ATF2: variants seen among roughly 807,000 people sequenced by gnomAD.
ATF2 encodes activating transcription factor 2.
A neutral mutation model predicts 60.6 loss-of-function variants in ATF2; 24 were observed. The observed-to-expected ratio is 0.40, with a 90% CI of 0.29 to 0.56. The LOEUF (loss-of-function observed/expected upper bound fraction) is 0.56, where lower values mean the gene tolerates loss of function less well. Among genes scored for constraint, ATF2 ranks in the 20% least tolerant of loss-of-function variants. The pLI, the probability that ATF2 is intolerant of heterozygous loss-of-function variation, is 0.54. For synonymous variants in ATF2, 206 were observed against 215.4 expected, an observed-to-expected ratio of 0.96 and a Z score of 0.38; for missense variants, 433 against 607.7, an observed-to-expected ratio of 0.71 and a Z score of 3.02.
intron 12 of ATF2, among the ~76,000 whole-genome samples, chr2:175,092,046 T>C (rs2105585623): frequency 6.6e-6 from 1 of 152,330 alleles, no homozygotes; most frequent in Non-Finnish European, 1.5e-5. Context: ...TTCTATCATG[T>C]CAATATTCAA....
chr2:175,119,054 T>C (rs912809787), intron 5 of ATF2, among the ~76,000 whole-genome samples: 3 of 151,634 alleles, frequency 2.0e-5, no homozygotes, highest in African/African-American at 7.2e-5. Context: ...TCTATTTTCT[T>C]ACAACATGAA....
At chr2:175,161,906 AC>A (rs1476624787) in intron 1 of ATF2, among the ~76,000 whole-genome samples, 2 of 151,944 alleles carry the variant, frequency 1.3e-5, no homozygotes, top group African/African-American at 4.8e-5. Flanking sequence ...GATTACAGGC[AC>A]CCGCCATCAT....
intron 10 of ATF2, among the ~76,000 whole-genome samples, chr2:175,099,624 CTTCT>C (rs1389084845): frequency 2.0e-5 from 3 of 152,180 alleles, no homozygotes; most frequent in East Asian, 1.9e-4. Context: ...TTGAATCTGG[CTTCT>C]TTCTCTTAGC....
chr2:175,154,635 A>G (rs895166192), intron 1 of ATF2, among the ~76,000 whole-genome samples: 10 of 152,332 alleles, frequency 6.6e-5, no homozygotes, highest in Admixed American at 5.9e-4. Flanking sequence ...ATACTTTTAT[A>G]CAACTGGTAG....
At chr2:175,142,916 A>G (rs1698687514) in intron 2 of ATF2, among the ~76,000 whole-genome samples, 1 of 151,952 alleles carries the variant, frequency 6.6e-6, no homozygotes, top group Admixed American at 6.6e-5. Flanking sequence ...GCATGATCAT[A>G]GCTCACTGCA....
chr2:175,145,102 G>T (rs1374340464), intron 2 of ATF2, among the ~76,000 whole-genome samples: 2 of 152,156 alleles, frequency 1.3e-5, no homozygotes, highest in Admixed American at 6.5e-5. Flanking sequence ...CAGAAATATA[G>T]ATGTTAATGT....
chr2:175,118,069 A>G lies in ATF2; in HGVS notation c.368T>C (p.Ile123Thr), dbSNP rs777972058. ...PLATPIIRSKIEEPSVVETTH... is the reference protein window; with the variant it reads ...PLATPIIRSKTEEPSVVETTH... ...TGTTTCTACAACAGAAGGCTCCTCA[A>G]TTTTGCTTCTTATGATAGGTGTTGC... The change falls in exon 7 of 14, where the codon ATT becomes ACT. Residue 123 changes from isoleucine to threonine, a missense_variant. Coordinates refer to ENST00000264110, the MANE Select transcript of ATF2 (RefSeq NM_001880.4). The G allele has an allele frequency of 1.1e-5, 18 of 1,611,938 alleles. No individual in the cohort carries two copies. Among genetic ancestry groups the G allele is most frequent in the Admixed American group, 8.4e-5 (5 of 59,862 alleles).
intron 10 of ATF2, among the ~76,000 whole-genome samples, chr2:175,103,611 C>G (rs908669149): frequency 1.3e-5 from 2 of 151,370 alleles, no homozygotes; most frequent in Non-Finnish European, 2.9e-5. Flanking sequence ...TCAGTAGAAA[C>G]CCCCTGCAGA....
chr2:175,110,725 C>T (rs974901376), intron 10 of ATF2, among the ~76,000 whole-genome samples: 2 of 152,146 alleles, frequency 1.3e-5, no homozygotes, highest in Non-Finnish European at 2.9e-5. Context: ...TGTGCCTCAG[C>T]CACCCGAGTA....
intron 3 of ATF2, 93 bp downstream of exon 3, chr2:175,136,319 C>G: frequency 1.6e-6 from 2 of 1,213,110 alleles, no homozygotes; most frequent in Non-Finnish European, 2.4e-6. Context: ...GAAAAAAACA[C>G]CACAAATACT....
At chr2:175,162,995 G>C (rs1340166782) in intron 1 of ATF2, among the ~76,000 whole-genome samples, 2 of 152,002 alleles carry the variant, frequency 1.3e-5, no homozygotes, top group Non-Finnish European at 2.9e-5. Flanking sequence ...TTTGCCGGGC[G>C]TGGTGGTGGG....
intron 4 of ATF2, among the ~76,000 whole-genome samples, chr2:175,125,221 C>T (rs1483209209): frequency 6.6e-6 from 1 of 151,996 alleles, no homozygotes; most frequent in African/African-American, 2.4e-5. Flanking sequence ...TGTGAAAAAG[C>T]AGTCACCATC....
At chr2:175,099,077 T>C (rs986770580) in intron 10 of ATF2, among the ~76,000 whole-genome samples, 1 of 152,000 alleles carries the variant, frequency 6.6e-6, no homozygotes, top group Admixed American at 6.6e-5. Context: ...GTTAACTCTG[T>C]TTAGTGTACA....
intron 2 of ATF2, among the ~76,000 whole-genome samples, chr2:175,149,241 C>G (rs1699148657): frequency 6.6e-6 from 1 of 151,990 alleles, no homozygotes; most frequent in South Asian, 2.1e-4. Flanking sequence ...GGCCCTGGGT[C>G]AAAGTGCTGA....
At chr2:175,110,665 T>C (rs148013409) in intron 10 of ATF2, among the ~76,000 whole-genome samples, 1,921 of 152,260 alleles carry the variant, frequency 0.013, 30 homozygotes, top group African/African-American at 0.042. Context: ...AGTGCAATAG[T>C]GCGATGCTGG....
rs147988988 is a variant in ATF2, at chr2:175,131,253, T to C, written c.33-1046A>G. On this transcript the variant is annotated intron_variant, in intron 3 of 13. Coordinates refer to ENST00000264110, the MANE Select transcript of ATF2 (RefSeq NM_001880.4). The stretch of plus-strand genomic sequence containing the variant: ...GCAAGGATGACACTTGGGGAAACAC[T>C]GGTCTAGACTTCTGGTTTCTAGTCC... 5.9e-5 allele frequency among the ~76,000 whole-genome samples: 9 copies of C among 152,366 alleles called. No individual in the cohort carries two copies. In the East Asian group the frequency reaches 1.7e-3, roughly 29 times the overall value.
intron 13 of ATF2, among the ~76,000 whole-genome samples, chr2:175,077,724 A>C (rs1389264812): frequency 6.6e-6 from 1 of 152,206 alleles, no homozygotes; most frequent in Admixed American, 6.5e-5. Flanking sequence ...CAGTACAAAG[A>C]ATCAGGTACT....
intron 12 of ATF2, among the ~76,000 whole-genome samples, chr2:175,083,865 A>G (rs1208322819): frequency 3.3e-5 from 5 of 152,238 alleles, no homozygotes; most frequent in Non-Finnish European, 2.9e-5. Flanking sequence ...AAAAGAAGAC[A>G]TTTATGCAGC....
chr2:175,156,769 C>A, intron 1 of ATF2, among the ~76,000 whole-genome samples: 1 of 152,204 alleles, frequency 6.6e-6, no homozygotes, highest in Admixed American at 6.5e-5. Context: ...CTTTGTAAGT[C>A]CCTAAGCTGA....
Sources: gnomAD v4.1 joint callset for allele counts (sites outside exome capture counted in the v4.1 genomes callset) on GRCh38, gnomAD v4.1.1 for gene constraint, MANE v1.5 for transcripts, NCBI Gene and HGNC (gene_info 2026-07-23, HGNC 2026-07-21) for gene names.